RTL4: variants seen among roughly 807,000 people sequenced by gnomAD.
RTL4 encodes the protein retrotransposon Gag-like protein 4.
Under a neutral mutation model 5.3 loss-of-function variants are expected in RTL4, and 4 were observed. The ratio of observed to expected loss-of-function variants is 0.75; its 90% confidence interval spans 0.37 to 1.72. RTL4 has a LOEUF of 1.72. RTL4 is among the 40% of genes most tolerant of loss of function. The pLI is 0.04. For missense variants in RTL4, 260 were observed against 227.1 expected, an observed-to-expected ratio of 1.14 and a Z score of -0.93; for synonymous variants, 98 against 87.3, an observed-to-expected ratio of 1.12 and a Z score of -0.68.
the RTL4 span, among the ~76,000 whole-genome samples, chrX:112,266,379 G>A: frequency 9.0e-6 from 1 of 110,569 alleles, no homozygotes; most frequent in Non-Finnish European, 1.9e-5. Context: ...ATTGACCATA[G>A]TTGTCAAGAA....
the RTL4 span, among the ~76,000 whole-genome samples, chrX:112,391,481 A>G: frequency 9.0e-6 from 1 of 110,680 alleles, no homozygotes; most frequent in African/African-American, 3.3e-5. Flanking sequence ...AGTACAGTCA[A>G]TGGTCTATTT....
the RTL4 span, among the ~76,000 whole-genome samples, chrX:112,368,841 A>C: frequency 4.5e-5 from 5 of 112,161 alleles, no homozygotes; most frequent in African/African-American, 1.6e-4. Flanking sequence ...TCTTTCGTGG[A>C]CCACATTGAT....
chrX:112,134,363 A>C, the RTL4 span, among the ~76,000 whole-genome samples: 1 of 112,202 alleles, frequency 8.9e-6, no homozygotes, highest in East Asian at 2.8e-4. Context: ...ATTATTTCAG[A>C]CTTGGACATA....
the RTL4 span, among the ~76,000 whole-genome samples, chrX:112,279,148 G>A: frequency 1.0e-4 from 11 of 108,332 alleles, no homozygotes; most frequent in South Asian, 4.0e-3. Flanking sequence ...AAAATGGAAA[G>A]GAAGAAATCA....
At chrX:112,256,468 TTC>T in the RTL4 span, among the ~76,000 whole-genome samples, 1 of 112,253 alleles carries the variant, frequency 8.9e-6, no homozygotes, top group Admixed American at 9.5e-5. Context: ...GGACAGAAAT[TTC>T]TGTTTGTTTT....
the RTL4 span, among the ~76,000 whole-genome samples, chrX:112,326,624 C>A: frequency 2.7e-5 from 3 of 111,978 alleles, no homozygotes; most frequent in Admixed American, 9.4e-5. Context: ...AACAAAGCAG[C>A]CGGGAAGCTC....
chrX:112,289,600 G>C, the RTL4 span, among the ~76,000 whole-genome samples: 1 of 111,665 alleles, frequency 9.0e-6, no homozygotes, highest in Non-Finnish European at 1.9e-5. Context: ...TTCAATGGGG[G>C]TAATAATAGA....
chrX:112,263,034 C>A, the RTL4 span, among the ~76,000 whole-genome samples: 4 of 85,705 alleles, frequency 4.7e-5, no homozygotes, highest in South Asian at 2.8e-3. Flanking sequence ...AGTGGAACAT[C>A]ACACACTGGG....
the RTL4 span, among the ~76,000 whole-genome samples, chrX:112,390,109 ATATATATAT>A: frequency 1.5e-3 from 2 of 1,366 alleles, no homozygotes; most frequent in African/African-American, 3.9e-3. Context: ...TATATATAAT[ATATATATAT>A]ATATATATAT....
chrX:112,111,585 A>G, the RTL4 span, among the ~76,000 whole-genome samples: 7 of 112,781 alleles, frequency 6.2e-5, no homozygotes, highest in Non-Finnish European at 1.9e-5. Context: ...GGATTAGATA[A>G]GCATACTTGC....
the RTL4 span, among the ~76,000 whole-genome samples, chrX:112,233,323 GT>G: frequency 0.079 from 8,738 of 111,073 alleles, 840 homozygotes; most frequent in African/African-American, 0.27. Context: ...CTGCATTTTG[GT>G]TTGTGGCTTT....
chrX:112,193,719 C>T, the RTL4 span, among the ~76,000 whole-genome samples: 1 of 110,748 alleles, frequency 9.0e-6, no homozygotes, highest in African/African-American at 3.3e-5. Context: ...TTCTGTGAGG[C>T]TCTGTCTATT....
At chrX:112,249,900 T>G in the RTL4 span, among the ~76,000 whole-genome samples, 1 of 109,904 alleles carries the variant, frequency 9.1e-6, no homozygotes, top group Admixed American at 9.8e-5. Flanking sequence ...GTAATGCCCC[T>G]GCAAGAGGAA....
chrX:112,347,313 T>C, the RTL4 span, among the ~76,000 whole-genome samples: 25 of 112,003 alleles, frequency 2.2e-4, no homozygotes, highest in South Asian at 1.9e-3. Context: ...AAATATGTGA[T>C]ATGCTATAGG....
At chrX:112,218,534 T>C in the RTL4 span, among the ~76,000 whole-genome samples, 1 of 111,924 alleles carries the variant, frequency 8.9e-6, no homozygotes, top group South Asian at 3.7e-4. Flanking sequence ...AATTTCGAGA[T>C]CCTTTAGTTA....
the RTL4 span, among the ~76,000 whole-genome samples, chrX:112,244,197 A>C: frequency 8.9e-6 from 1 of 111,938 alleles, no homozygotes; most frequent in Non-Finnish European, 1.9e-5. Context: ...AGAGTTCTGT[A>C]GATGTCTATT....
the RTL4 span, among the ~76,000 whole-genome samples, chrX:112,231,918 T>G: frequency 9.0e-6 from 1 of 111,627 alleles, no homozygotes; most frequent in Non-Finnish European, 1.9e-5. Flanking sequence ...ATCCTCTAAC[T>G]TGAGAGCACA....
chrX:112,450,072 G>T (rs748176035), upstream of RTL4, among the ~76,000 whole-genome samples: 1 of 112,237 alleles, frequency 8.9e-6, no homozygotes, highest in East Asian at 2.8e-4. Flanking sequence ...CTGGGTAGTT[G>T]CATGACTTTA....
the RTL4 span, among the ~76,000 whole-genome samples, chrX:112,226,946 A>AAAAAT: frequency 9.2e-4 from 71 of 76,853 alleles, no homozygotes; most frequent in Admixed American, 3.6e-3. Flanking sequence ...AAAATAAAAT[A>AAAAAT]AAAATAAAAT....
Sources: gnomAD v4.1 joint callset for allele counts (sites outside exome capture counted in the v4.1 genomes callset) on GRCh38, gnomAD v4.1.1 for gene constraint, MANE v1.5 for transcripts, NCBI Gene and HGNC (gene_info 2026-07-23, HGNC 2026-07-21) for gene names.